EMP1: variants seen among roughly 807,000 people sequenced by gnomAD.
The protein encoded by EMP1 is tumor-associated membrane protein.
In EMP1, 5 loss-of-function variants were observed where a neutral mutation model predicts 15.7. The ratio of observed to expected loss-of-function variants is 0.32; its 90% CI spans 0.17 to 0.67. The LOEUF (loss-of-function observed/expected upper bound fraction) is 0.67. Among genes scored for constraint, EMP1 ranks in the 30% least tolerant of loss-of-function variants. The probability of loss-of-function intolerance (pLI) is 0.74; values close to 1 mark genes in which losing one functional copy is unlikely to be tolerated. For missense variants in EMP1, 166 were observed against 194.2 expected, an observed-to-expected ratio of 0.85 and a Z score of 0.86; for synonymous variants, 78 against 76.7, an observed-to-expected ratio of 1.02 and a Z score of -0.09.
intron 4 of EMP1, chr12:13,214,203 A>C (rs1257340078): frequency 1.7e-6 from 1 of 597,686 alleles, no homozygotes; most frequent in African/African-American, 1.9e-5. Flanking sequence ...GTTTGGTGGA[A>C]GGACATGCTC....
Position 13,211,567 on chromosome 12 carries a change from A to G in EMP1, c.57A>G (p.Leu19=), listed in dbSNP as rs746951833. 1 of 1,613,652 alleles carries G rather than the reference A, an allele frequency of 6.2e-7. No homozygotes were observed. The highest frequency in any genetic ancestry group is 8.5e-7 in the Non-Finnish European group (1 of 1,179,922). ...FVVHIATVIM[L]FVSTIANVWL... ...TCCACATCGCTACTGTTATTATGCTATTTGTTAGCACCATTGCCAATGTGA... is the reference window on the plus strand; with the variant it reads ...TCCACATCGCTACTGTTATTATGCTGTTTGTTAGCACCATTGCCAATGTGA... Residue 19 remains leucine, a synonymous_variant, in exon 2 of 5, where the codon CTA becomes CTG. Coordinates refer to ENST00000256951, the MANE Select transcript of EMP1 (RefSeq NM_001423.3). The surrounding 1 kb of genome is among the most constrained non-coding windows in gnomAD (Gnocchi z 4.7).
chr12:13,214,515 A>G lies in EMP1; in HGVS notation c.317-19A>G. 2 of 1,606,278 alleles carry G rather than the reference A, an allele frequency of 1.2e-6. No individual in the cohort carries two copies. The highest frequency in any genetic ancestry group is 8.5e-7 in the Non-Finnish European group (1 of 1,175,332). Reference sequence around the variant, plus strand: ...TTAATGTAAGAAAACACACCGACAAATCTCCTTTTCCCCTGCAGGGCTGTG... The same window carrying G: ...TTAATGTAAGAAAACACACCGACAAGTCTCCTTTTCCCCTGCAGGGCTGTG... On this transcript the variant is annotated intron_variant, in intron 4 of 4. Transcript: ENST00000256951.
intron 1 of EMP1, among the ~76,000 whole-genome samples, chr12:13,197,473 G>C (rs574774592): frequency 6.6e-6 from 1 of 152,196 alleles, no homozygotes; most frequent in African/African-American, 2.4e-5. Flanking sequence ...AGGGGGATTG[G>C]TTTGTTTAAA....
At chr12:13,201,463 C>CA (rs1565577087) in intron 1 of EMP1, among the ~76,000 whole-genome samples, 1 of 151,868 alleles carries the variant, frequency 6.6e-6, no homozygotes, top group African/African-American at 2.4e-5. Flanking sequence ...AAACGAAAAA[C>CA]AAAAAAATTA....
Position 13,218,990 on chromosome 12 carries a change from A to G in EMP1, c.*4299A>G, listed in dbSNP as rs1048004005. On this transcript the variant is annotated 3_prime_UTR_variant, in exon 5 of 5. Transcript: ENST00000256951. ...CTCATGCCATGAGCAATTGTCTGGC[A>G]TCTCCTGTGGGTTGGACCACTGCTG... 6.6e-5 allele frequency: 10 copies of G among 152,196 alleles called. No homozygotes were observed. Among genetic ancestry groups the G allele is most frequent in the African/African-American group, 2.2e-4 (9 of 41,442 alleles). 9.4% of individuals were successfully genotyped at this position (152,196 alleles called of 1,614,324 possible). A position where few individuals can be genotyped will look rare whatever the true frequency, so the allele number is the denominator to read the frequency against.
rs10772633 is a variant in EMP1 at position 13,218,645 on chromosome 12, G to T, written c.*3954G>T. 102,762 of 151,842 alleles carry T rather than the reference G, an allele frequency of 0.68. 35,028 individuals carry two copies. Among genetic ancestry groups the T allele is most frequent in the East Asian group, 0.74 (3,814 of 5,146 alleles). 9.4% of individuals were successfully genotyped at this position (151,842 alleles called of 1,614,324 possible). On this transcript the variant is annotated 3_prime_UTR_variant, in exon 5 of 5. Coordinates refer to ENST00000256951, the MANE Select transcript of EMP1 (RefSeq NM_001423.3). ...TGTGTGGAGCCCAAGGGAAGGCGGG[G>T]TTTTGGAGTCTTACGTGGCTTTGTT...
chr12:13,200,302 T>C (rs1025620864), intron 1 of EMP1, among the ~76,000 whole-genome samples: 1 of 152,186 alleles, frequency 6.6e-6, no homozygotes, highest in African/African-American at 2.4e-5. Flanking sequence ...CCATAGTTCA[T>C]GTAGCCCACA....
chr12:13,213,123 C>T (rs1864181764), intron 2 of EMP1, among the ~76,000 whole-genome samples: 1 of 152,212 alleles, frequency 6.6e-6, no homozygotes, highest in South Asian at 2.1e-4. Context: ...ATGAACTGCA[C>T]ATACCTAAGC....
chr12:13,206,911 C>A (rs1181524864), intron 1 of EMP1, among the ~76,000 whole-genome samples: 1 of 135,676 alleles, frequency 7.4e-6, no homozygotes, highest in Admixed American at 7.8e-5. Context: ...GGGCTGTGTT[C>A]CTTTGATTCT....
chr12:13,206,278 G>C (rs1016404680), intron 1 of EMP1, among the ~76,000 whole-genome samples: 29 of 152,196 alleles, frequency 1.9e-4, no homozygotes, highest in Non-Finnish European at 3.4e-4. Flanking sequence ...TAAGCTGCCA[G>C]GGAAATGCCA....
Position 13,218,377 on chromosome 12 carries a change from G to C in EMP1, c.*3686G>C, listed in dbSNP as rs1360823816. 1 of 152,174 alleles carries C rather than the reference G, an allele frequency of 6.6e-6. No homozygotes were observed. Among genetic ancestry groups the C allele is most frequent in the Admixed American group, 6.5e-5 (1 of 15,284 alleles). The allele number at this position is 152,174 out of a possible 1,614,324, so 9.4% of individuals were successfully genotyped here. A position where few individuals can be genotyped will look rare whatever the true frequency, so the allele number is the denominator to read the frequency against. ...TTTACTAAGAAATAGTTAGAATATAGCATATCCTGTATAGATGAAATGTCC... is the reference window on the plus strand; with the variant it reads ...TTTACTAAGAAATAGTTAGAATATACCATATCCTGTATAGATGAAATGTCC... On this transcript the variant is annotated 3_prime_UTR_variant, in exon 5 of 5. Transcript: ENST00000256951.
At position 13,219,815 on chromosome 12, in the gene EMP1, G is replaced by T. The variant is rs1438800849; in HGVS notation, c.*5124G>T. The T allele has an allele frequency of 6.6e-6, 1 of 152,126 alleles. No homozygotes were observed. The highest frequency in any genetic ancestry group is 1.5e-5 in the Non-Finnish European group (1 of 68,014). The allele number at this position is 152,126 out of a possible 1,614,324, so 9.4% of individuals were successfully genotyped here. On this transcript the variant is annotated 3_prime_UTR_variant, in exon 5 of 5. Coordinates refer to ENST00000256951, the MANE Select transcript of EMP1 (RefSeq NM_001423.3). ...TTCTAAAAATTTTCTTAAGTTGTTTGCTTGGAACTCAGAGTATATTTTTCC... is the reference window on the plus strand; with the variant it reads ...TTCTAAAAATTTTCTTAAGTTGTTTTCTTGGAACTCAGAGTATATTTTTCC...
In EMP1 at chr12:13,217,797, C is replaced by CAT. The variant is rs1555141016; in HGVS notation, c.*3106_*3107insAT. 2.0e-5 allele frequency: 3 copies of CAT among 151,760 alleles called. No homozygotes were observed. Among genetic ancestry groups the CAT allele is most frequent in the African/African-American group, 7.3e-5 (3 of 41,250 alleles). 9.4% of individuals were successfully genotyped at this position (151,760 alleles called of 1,614,324 possible). Reference sequence around the variant, plus strand: ...AGAGAAACAGAAAAAATAAGATTCGCGTGTGTGTGCAAACATATATATAAA... The same window carrying CAT: ...AGAGAAACAGAAAAAATAAGATTCGCATGTGTGTGTGCAAACATATATATAAA... On this transcript the variant is annotated 3_prime_UTR_variant, in exon 5 of 5. Coordinates refer to ENST00000256951, the MANE Select transcript of EMP1 (RefSeq NM_001423.3).
chr12:13,202,941 G>T (rs1169000437), intron 1 of EMP1, among the ~76,000 whole-genome samples: 1 of 152,186 alleles, frequency 6.6e-6, no homozygotes, highest in Non-Finnish European at 1.5e-5. Flanking sequence ...AATGGCTTCA[G>T]TTCTGATTCA....
chr12:13,217,796 G>A lies in EMP1; in HGVS notation c.*3105G>A, dbSNP rs1181496951. 1 of 148,216 alleles carries A rather than the reference G, an allele frequency of 6.7e-6. No homozygotes were observed. The highest frequency in any genetic ancestry group is 1.5e-5 in the Non-Finnish European group (1 of 67,376). 9.2% of individuals were successfully genotyped at this position (148,216 alleles called of 1,614,324 possible). A position where few individuals can be genotyped will look rare whatever the true frequency, so the allele number is the denominator to read the frequency against. On this transcript the variant is annotated 3_prime_UTR_variant, in exon 5 of 5. Transcript: ENST00000256951. ...CAGAGAAACAGAAAAAATAAGATTC[G>A]CGTGTGTGTGCAAACATATATATAA...
intron 2 of EMP1, among the ~76,000 whole-genome samples, chr12:13,212,707 G>A (rs555481965): frequency 3.3e-5 from 5 of 152,364 alleles, no homozygotes; most frequent in East Asian, 1.9e-4. Context: ...AGGGATTGGC[G>A]TAGGTGATGC....
At position 13,214,658 on chromosome 12, in the gene EMP1, C is replaced by T. The variant is rs1289262066; in HGVS notation, c.441C>T (p.Ile147=). ...GWICFCFSFI[I]GVLYLVLRKK ...TCTGCTTCTGCTTCAGCTTCATCAT[C>T]GGCGTTCTCTATCTGGTCCTGAGAA... Residue 147 remains isoleucine, a synonymous_variant, in exon 5 of 5, where the codon ATC becomes ATT. Coordinates refer to ENST00000256951, the MANE Select transcript of EMP1 (RefSeq NM_001423.3). 32 of 1,613,400 alleles carry T rather than the reference C, an allele frequency of 2.0e-5. No homozygotes were observed. Among genetic ancestry groups the T allele is most frequent in the Non-Finnish European group, 2.5e-5 (30 of 1,179,924 alleles).
rs71530953 is a variant in EMP1, at chr12:13,211,501, A to G, written c.-10A>G. The G allele has an allele frequency of 8.7e-3, 13,971 of 1,608,874 alleles. 101 individuals are homozygous for G. Among genetic ancestry groups the G allele is most frequent in the Middle Eastern group, 0.014 (84 of 6,048 alleles). On this transcript the variant is annotated 5_prime_UTR_variant, in exon 2 of 5. Transcript: ENST00000256951. The surrounding 1 kb of genome is among the most constrained non-coding windows in gnomAD (Gnocchi z 4.7). Reference sequence around the variant, plus strand: ...TTTGCTCACAAGTTACCAAAAAAAAAAGAGCCAACATGTTGGTATTGCTGG... The same window carrying G: ...TTTGCTCACAAGTTACCAAAAAAAAGAGAGCCAACATGTTGGTATTGCTGG...
Position 13,215,053 on chromosome 12 carries a change from A to G in EMP1, c.*362A>G. Reference sequence around the variant, plus strand: ...GCACTGAGGTCCACAGACCTACTGCACTGAGTTAAAATAGCGGTACAAGTT... The same window carrying G: ...GCACTGAGGTCCACAGACCTACTGCGCTGAGTTAAAATAGCGGTACAAGTT... On this transcript the variant is annotated 3_prime_UTR_variant, in exon 5 of 5. Coordinates refer to ENST00000256951, the MANE Select transcript of EMP1 (RefSeq NM_001423.3). 4.2e-6 allele frequency: 1 copy of G among 236,616 alleles called. No homozygotes were observed. Among genetic ancestry groups the G allele is most frequent in the Admixed American group, 4.9e-5 (1 of 20,240 alleles). The allele number at this position is 236,616 out of a possible 1,614,324, so 14.7% of individuals were successfully genotyped here. A position where few individuals can be genotyped will look rare whatever the true frequency, so the allele number is the denominator to read the frequency against.
Sources: allele counts gnomAD v4.1 joint callset (sites outside exome capture counted in the v4.1 genomes callset), GRCh38; gene constraint gnomAD v4.1.1; non-coding constraint Gnocchi (gnomAD v3.1); transcripts MANE v1.5; gene names NCBI Gene and HGNC (gene_info 2026-07-23, HGNC 2026-07-21).